Variants in RARB observed in about 807,000 individuals in gnomAD.
RARB encodes retinoic acid receptor beta.
A neutral mutation model predicts 51.9 loss-of-function variants in RARB; 17 were observed. The observed-to-expected ratio is 0.33, with a 90% CI of 0.22 to 0.49. The LOEUF is 0.49. Among genes scored for constraint, RARB ranks in the 20% least tolerant of loss-of-function variants. RARB has a pLI of 0.99. For synonymous variants in RARB, 215 were observed against 195.4 expected, an observed-to-expected ratio of 1.10 and a Z score of -0.84; for missense variants, 369 against 550.8, an observed-to-expected ratio of 0.67 and a Z score of 3.30.
At chr3:24,872,250 C>T (rs1476838829) in intron 2 of RARB, among the ~76,000 whole-genome samples, 1 of 152,146 alleles carries the variant, frequency 6.6e-6, no homozygotes, top group East Asian at 1.9e-4. Context: ...GCCTCACTGT[C>T]TCAGTGCTAT....
intron 1 of RARB, among the ~76,000 whole-genome samples, chr3:24,848,739 T>C (rs1702516410): frequency 6.6e-6 from 1 of 152,214 alleles, no homozygotes; most frequent in South Asian, 2.1e-4. Context: ...CTATATCCCA[T>C]CTGTTTCCAT....
intron 4 of RARB, among the ~76,000 whole-genome samples, chr3:25,576,721 A>T (rs1394340598): frequency 6.6e-6 from 1 of 152,156 alleles, no homozygotes; most frequent in African/African-American, 2.4e-5. Context: ...CTTTGCTCGA[A>T]GCCCTCTCTA....
Position 24,958,279 on chromosome 3 carries a change from T to G in RARB, c.-380+99527T>G, listed in dbSNP as rs1224064677. Among the ~76,000 whole-genome samples, 46 of 137,148 alleles carry G rather than the reference T, an allele frequency of 3.4e-4. 1 individual carries two copies. Among genetic ancestry groups the G allele is most frequent in the Non-Finnish European group, 6.2e-4 (41 of 65,614 alleles). 90.0% of individuals were successfully genotyped at this position (137,148 alleles called of 152,430 possible). A position where few individuals can be genotyped will look rare whatever the true frequency, so the allele number is the denominator to read the frequency against. On this transcript the variant is annotated intron_variant, in intron 2 of 11. Coordinates refer to the RARB transcript ENST00000383772. ...GGTTTTTTTTTTTTTTTTTTTTTTT[T>G]TTTTTTTTTTAGCTGTCATGGAGCC...
chr3:25,436,663 AC>A (rs1457933582), intron 1 of RARB, among the ~76,000 whole-genome samples: 1 of 152,120 alleles, frequency 6.6e-6, no homozygotes, highest in Admixed American at 6.6e-5. Flanking sequence ...GTTTCCAGAA[AC>A]CCATGTTGGG....
intron 2 of RARB, among the ~76,000 whole-genome samples, chr3:25,045,389 G>C (rs1445379013): frequency 6.6e-6 from 1 of 152,212 alleles, no homozygotes. Context: ...CCTTCCGAGA[G>C]AGAAAGCGAG....
chr3:24,842,502 A>G (rs1270130503), intron 1 of RARB, among the ~76,000 whole-genome samples: 2 of 152,220 alleles, frequency 1.3e-5, no homozygotes, highest in Admixed American at 6.5e-5. Context: ...CAATAATCTC[A>G]TAACTATGGG....
At chr3:25,038,655 T>C (rs1218314002) in intron 2 of RARB, among the ~76,000 whole-genome samples, 1 of 152,192 alleles carries the variant, frequency 6.6e-6, no homozygotes, top group African/African-American at 2.4e-5. Flanking sequence ...TGTTTCATTA[T>C]TAGCTTCCCA....
rs372567912 is a variant in RARB, at chr3:25,162,440, C to A, written c.-279-11679C>A. Reference sequence around the variant, plus strand: ...TTAAATTATCAAGATATAATTCAAACAACAACATTCACCATTTTAAGATGC... The same window carrying A: ...TTAAATTATCAAGATATAATTCAAAAAACAACATTCACCATTTTAAGATGC... On this transcript the variant is annotated intron_variant, in intron 4 of 11. Transcript: ENST00000383772. Among the ~76,000 whole-genome samples, 26 of 152,218 alleles carry A rather than the reference C, an allele frequency of 1.7e-4. No individual in the cohort carries two copies. The East Asian group carries it at 2.9e-3, about 17-fold the overall frequency.
chr3:25,303,476 G>A (rs1302282688), intron 5 of RARB, among the ~76,000 whole-genome samples: 1 of 152,174 alleles, frequency 6.6e-6, no homozygotes, highest in East Asian at 1.9e-4. Context: ...AGTAAGTGAA[G>A]CAAAAGGCCA....
chr3:25,307,505 T>A (rs1208588630), intron 5 of RARB, among the ~76,000 whole-genome samples: 2 of 152,206 alleles, frequency 1.3e-5, no homozygotes, highest in Non-Finnish European at 1.5e-5. Flanking sequence ...CTCAATGGCA[T>A]CTCTGGTCAC....
At chr3:25,381,937 G>C (rs1433156139) in intron 5 of RARB, among the ~76,000 whole-genome samples, 1 of 152,108 alleles carries the variant, frequency 6.6e-6, no homozygotes, top group Admixed American at 6.5e-5. Context: ...ATAGAATGTA[G>C]CCGTCTCCAT....
chr3:25,006,603 A>G (rs1302224313), intron 2 of RARB, among the ~76,000 whole-genome samples: 3 of 152,150 alleles, frequency 2.0e-5, no homozygotes, highest in Non-Finnish European at 4.4e-5. Flanking sequence ...TTCTATTTTT[A>G]AAGTGGTGAG....
At chr3:25,212,083 T>C (rs1000351574) in intron 5 of RARB, among the ~76,000 whole-genome samples, 2 of 152,206 alleles carry the variant, frequency 1.3e-5, no homozygotes, top group African/African-American at 4.8e-5. Context: ...TGTCATTTTC[T>C]TCTAATAAGT....
intron 5 of RARB, among the ~76,000 whole-genome samples, chr3:25,280,564 C>G (rs557395744): frequency 6.6e-6 from 1 of 152,078 alleles, no homozygotes; most frequent in African/African-American, 2.4e-5. Flanking sequence ...TATTGGGTGT[C>G]AAATAATTTT....
chr3:25,248,685 C>A (rs1702630466), intron 5 of RARB, among the ~76,000 whole-genome samples: 2 of 152,024 alleles, frequency 1.3e-5, no homozygotes, highest in Non-Finnish European at 1.5e-5. Flanking sequence ...TTTATTTGTC[C>A]TCCTTTTATA....
At chr3:24,901,994 AAAATAT>A (rs1311185691) in intron 2 of RARB, among the ~76,000 whole-genome samples, 1 of 151,274 alleles carries the variant, frequency 6.6e-6, no homozygotes, top group Non-Finnish European at 1.5e-5. Context: ...CAATATATAT[AAAATAT>A]AAATATATAT....
intron 3 of RARB, among the ~76,000 whole-genome samples, chr3:25,556,988 A>G (rs1281850332): frequency 1.3e-5 from 2 of 152,244 alleles, no homozygotes; most frequent in African/African-American, 4.8e-5. Context: ...CTTGTAAACA[A>G]TTCCTGATGT....
chr3:24,921,615 T>C (rs1695218469), intron 2 of RARB, among the ~76,000 whole-genome samples: 1 of 152,010 alleles, frequency 6.6e-6, no homozygotes, highest in Non-Finnish European at 1.5e-5. Flanking sequence ...CAGCACCCAA[T>C]CAGCGAGGAG....
At chr3:25,004,530 C>G (rs183984139) in intron 2 of RARB, among the ~76,000 whole-genome samples, 18 of 152,204 alleles carry the variant, frequency 1.2e-4, no homozygotes, top group African/African-American at 4.3e-4. Flanking sequence ...AGCATTAATT[C>G]ATTTATTTTC....
Sources: gnomAD v4.1 joint callset for allele counts (sites outside exome capture counted in the v4.1 genomes callset) on GRCh38, gnomAD v4.1.1 for gene constraint, MANE v1.5 for transcripts, NCBI Gene and HGNC (gene_info 2026-07-23, HGNC 2026-07-21) for gene names.